CRYL1: variants seen among roughly 807,000 people sequenced by gnomAD.
The protein encoded by CRYL1 is crystallin lambda 1.
A neutral mutation model predicts 36.6 loss-of-function variants in CRYL1; 29 were observed. That is an observed-to-expected ratio of 0.79 (90% CI 0.59 to 1.08). The LOEUF (loss-of-function observed/expected upper bound fraction) is 1.08, where lower values mean the gene tolerates loss of function less well. Ranked by LOEUF, CRYL1 falls within the 50% of genes least tolerant of loss-of-function variation. The pLI, the probability that CRYL1 is intolerant of heterozygous loss-of-function variation, is 0.00. For synonymous variants in CRYL1, 152 were observed against 151.5 expected, an observed-to-expected ratio of 1.00 and a Z score of -0.02; for missense variants, 411 against 407.9, an observed-to-expected ratio of 1.01 and a Z score of -0.06.
chr13:20,410,029 C>T (rs1218298435), intron 6 of CRYL1, among the ~76,000 whole-genome samples: 1 of 151,808 alleles, frequency 6.6e-6, no homozygotes, highest in Non-Finnish European at 1.5e-5. Flanking sequence ...CATCCCATTA[C>T]TGGGTATATA....
At chr13:20,503,156 AT>A (rs2033733359) in intron 2 of CRYL1, among the ~76,000 whole-genome samples, 1 of 152,350 alleles carries the variant, frequency 6.6e-6, no homozygotes, top group Admixed American at 6.5e-5. Flanking sequence ...AAACAAGGCT[AT>A]TTTTATTTGG....
intron 3 of CRYL1, among the ~76,000 whole-genome samples, chr13:20,467,623 C>A (rs1249085705): frequency 6.6e-6 from 1 of 152,132 alleles, no homozygotes; most frequent in African/African-American, 2.4e-5. Flanking sequence ...GGAGTTCAAA[C>A]CCAGCCTGGC....
At chr13:20,507,059 C>T (rs1039508258) in intron 2 of CRYL1, among the ~76,000 whole-genome samples, 10 of 152,190 alleles carry the variant, frequency 6.6e-5, no homozygotes, top group Non-Finnish European at 1.5e-4. Context: ...CTCTTGTTGG[C>T]CACTCTGTGA....
At chr13:20,483,200 A>G (rs1191839716) in intron 3 of CRYL1, among the ~76,000 whole-genome samples, 1 of 152,256 alleles carries the variant, frequency 6.6e-6, no homozygotes, top group Non-Finnish European at 1.5e-5. Context: ...TTCCCAACAC[A>G]ATAAAAGATA....
intron 3 of CRYL1, chr13:20,476,799 G>C (rs1335853633): frequency 1.3e-5 from 2 of 152,438 alleles, no homozygotes; most frequent in Non-Finnish European, 2.9e-5. Flanking sequence ...CAAGCTGGAG[G>C]ATTGTTTAGG....
At chr13:20,443,356 T>C (rs771533615) in intron 3 of CRYL1, among the ~76,000 whole-genome samples, 2 of 152,192 alleles carry the variant, frequency 1.3e-5, no homozygotes, top group Non-Finnish European at 1.5e-5. Context: ...TTTGTTATTG[T>C]TGTTTTTAAA....
intron 1 of CRYL1, among the ~76,000 whole-genome samples, chr13:20,513,125 T>G (rs2033943413): frequency 1.3e-5 from 2 of 152,224 alleles, no homozygotes; most frequent in Non-Finnish European, 2.9e-5. Context: ...ATTTTAAATG[T>G]TAACTGTTTC....
At chr13:20,482,316 C>T (rs562637367) in intron 3 of CRYL1, among the ~76,000 whole-genome samples, 6 of 152,292 alleles carry the variant, frequency 3.9e-5, no homozygotes, top group African/African-American at 1.4e-4. Flanking sequence ...CCCATTTAAA[C>T]TTCGTAACTC....
At chr13:20,512,348 C>A in intron 2 of CRYL1, 95 bp downstream of exon 2, 1 of 874,620 alleles carries the variant, frequency 1.1e-6, no homozygotes, top group Non-Finnish European at 1.8e-6. Context: ...AATGTGACAT[C>A]ACAGATCCTC....
At chr13:20,408,007 A>T (rs1225263130) in intron 6 of CRYL1, among the ~76,000 whole-genome samples, 1 of 152,222 alleles carries the variant, frequency 6.6e-6, no homozygotes, top group African/African-American at 2.4e-5. Context: ...ATACATGGGA[A>T]GTCCGGTTTT....
chr13:20,436,556 G>A (rs1417460339), intron 4 of CRYL1, among the ~76,000 whole-genome samples: 1 of 152,126 alleles, frequency 6.6e-6, no homozygotes, highest in Non-Finnish European at 1.5e-5. Flanking sequence ...CCACAACAGA[G>A]CCGGGCCCAG....
chr13:20,447,738 T>C lies in CRYL1; in HGVS notation c.277-7984A>G, dbSNP rs149874891. Among the ~76,000 whole-genome samples the C allele has an allele frequency of 3.3e-5, 5 of 152,300 alleles. No homozygotes were observed. In the East Asian group the frequency reaches 9.6e-4, roughly 29 times the overall value. On this transcript the variant is annotated intron_variant, in intron 3 of 7. Coordinates refer to ENST00000298248, the MANE Select transcript of CRYL1 (RefSeq NM_015974.3). Reference sequence around the variant, plus strand: ...AAATACAAGGCATTACTAGAGGAACTTGAAACCTTTAATGCACTAAGGATA... The same window carrying C: ...AAATACAAGGCATTACTAGAGGAACCTGAAACCTTTAATGCACTAAGGATA...
Position 20,413,282 on chromosome 13 carries a change from C to T in CRYL1, c.739G>A (p.Gly247Ser). The part of the protein sequence containing the change: ...PLETMHLNAE[G>S]MLSYCDRYSE... ...TCCCATCCTGGCCCCAGATGCATACCTTCTGCATTGAGATGCATGGTTTCC... is the reference window on the plus strand; with the variant it reads ...TCCCATCCTGGCCCCAGATGCATACTTTCTGCATTGAGATGCATGGTTTCC... Residue 247 changes from glycine (G) to serine (S), a missense_variant and splice_region_variant, in exon 6 of 8, where the codon GGT becomes AGT. Gly to Ser is a moderately conservative substitution (Grantham distance 56). Transcript: ENST00000298248. The T allele has an allele frequency of 1.9e-6, 3 of 1,592,008 alleles. No homozygotes were observed. The highest frequency in any genetic ancestry group is 2.6e-6 in the Non-Finnish European group (3 of 1,161,006).
chr13:20,442,755 T>G (rs1047448118), intron 3 of CRYL1, among the ~76,000 whole-genome samples: 1 of 152,230 alleles, frequency 6.6e-6, no homozygotes, highest in Non-Finnish European at 1.5e-5. Flanking sequence ...GACAGCATCT[T>G]TCAAAGCACT....
chr13:20,523,134 C>G (rs907344059), intron 1 of CRYL1, among the ~76,000 whole-genome samples: 3 of 152,026 alleles, frequency 2.0e-5, no homozygotes, highest in African/African-American at 7.2e-5. Context: ...CCAGACTGGT[C>G]TCGAACCCCT....
In CRYL1 at chr13:20,431,854, A is replaced by C; in HGVS notation, c.633+248T>G. The C allele has an allele frequency of 2.1e-6, 3 of 1,442,576 alleles. No homozygotes were observed. In the South Asian group the frequency reaches 4.1e-5, roughly 20 times the overall value. The allele number at this position is 1,442,576 out of a possible 1,614,324, so 89.4% of individuals were successfully genotyped here. ...AGGGCAGGAAGGAGAGAAGCCTGTCATCGTGTCCTGGTATCAGGTGACTGT... is the reference window on the plus strand; with the variant it reads ...AGGGCAGGAAGGAGAGAAGCCTGTCCTCGTGTCCTGGTATCAGGTGACTGT... On this transcript the variant is annotated intron_variant, in intron 5 of 7. Transcript: ENST00000298248.
At chr13:20,404,894 G>T (rs578063236) in intron 6 of CRYL1, among the ~76,000 whole-genome samples, 153 bp from the exon 7 acceptor site, 1 of 152,298 alleles carries the variant, frequency 6.6e-6, no homozygotes, top group East Asian at 1.9e-4. Context: ...TGGGGCATGT[G>T]TAAGGGCCTG....
rs773609677 is a variant in CRYL1 at position 20,508,452 on chromosome 13, G to A, written c.149+3991C>T. ...CATTCTTTACAATTATAAAATTAAC[G>A]GCTTTTTTATTATCAATAAATTACT... On this transcript the variant is annotated intron_variant, in intron 2 of 7. Coordinates refer to ENST00000298248, the MANE Select transcript of CRYL1 (RefSeq NM_015974.3). Among the ~76,000 whole-genome samples, 20 of 152,038 alleles carry A rather than the reference G, an allele frequency of 1.3e-4. 1 individual carries two copies. Among genetic ancestry groups the A allele is most frequent in the Non-Finnish European group, 1.2e-4 (8 of 68,018 alleles).
At chr13:20,518,467 G>C (rs1270963483) in intron 1 of CRYL1, among the ~76,000 whole-genome samples, 1 of 152,172 alleles carries the variant, frequency 6.6e-6, no homozygotes, top group East Asian at 1.9e-4. Context: ...CTGCTGGAGG[G>C]GCGGTGGGGG....
Sources: gnomAD v4.1 joint callset for allele counts (sites outside exome capture counted in the v4.1 genomes callset) on GRCh38, gnomAD v4.1.1 for gene constraint, MANE v1.5 for transcripts, NCBI Gene and HGNC (gene_info 2026-07-23, HGNC 2026-07-21) for gene names.